NRG3: variants seen among roughly 807,000 people sequenced by gnomAD.
NRG3 encodes neuregulin 3.
In NRG3, 31 loss-of-function variants were observed where a neutral mutation model predicts 66.9. The ratio of observed to expected loss-of-function variants is 0.46; its 90% CI spans 0.35 to 0.63. NRG3 has a LOEUF of 0.63. NRG3 is among the 20% of genes least tolerant of loss of function. The probability of loss-of-function intolerance (pLI) is 0.00; values close to 1 mark genes in which losing one functional copy is unlikely to be tolerated. For synonymous variants in NRG3, 393 were observed against 359.4 expected (o/e 1.09, Z -1.06); for missense variants, 910 against 878.9 (o/e 1.04, Z -0.45).
At chr10:82,935,295 T>C (rs1005513315) in intron 4 of NRG3, among the ~76,000 whole-genome samples, 1 of 152,188 alleles carries the variant, frequency 6.6e-6, no homozygotes, top group Non-Finnish European at 1.5e-5. Context: ...TTTTATTTCA[T>C]TTCTTTCATA....
intron 1 of NRG3, among the ~76,000 whole-genome samples, chr10:82,084,617 G>C (rs765899051): frequency 6.6e-6 from 1 of 151,864 alleles, no homozygotes; most frequent in African/African-American, 2.4e-5. Flanking sequence ...TCAAGAAGTA[G>C]AAGCATGTAT....
chr10:82,654,664 ATAACTTTTT>A (rs1390649588), intron 2 of NRG3, among the ~76,000 whole-genome samples: 2 of 152,186 alleles, frequency 1.3e-5, no homozygotes, highest in Non-Finnish European at 2.9e-5. Context: ...CCTGTATTGT[ATAACTTTTT>A]TCTGTTGATA....
At chr10:82,625,826 A>G (rs1326333746) in intron 2 of NRG3, among the ~76,000 whole-genome samples, 2 of 152,226 alleles carry the variant, frequency 1.3e-5, no homozygotes, top group Non-Finnish European at 2.9e-5. Flanking sequence ...TGTCACCACT[A>G]GAGCAACAAC....
intron 2 of NRG3, among the ~76,000 whole-genome samples, chr10:82,698,644 G>A (rs1455137392): frequency 6.6e-6 from 1 of 152,056 alleles, no homozygotes; most frequent in Non-Finnish European, 1.5e-5. Context: ...CTGCACTCTT[G>A]TTCTATTTCC....
intron 2 of NRG3, among the ~76,000 whole-genome samples, chr10:82,388,395 TG>T (rs1379440661): frequency 6.6e-6 from 1 of 152,174 alleles, no homozygotes; most frequent in African/African-American, 2.4e-5. Flanking sequence ...AAATTACATC[TG>T]AGAAACTAGA....
intron 1 of NRG3, among the ~76,000 whole-genome samples, chr10:82,022,248 C>G (rs906344062): frequency 1.3e-5 from 2 of 152,032 alleles, no homozygotes; most frequent in African/African-American, 4.8e-5. Flanking sequence ...GAAACTATCA[C>G]TAAATTGAGT....
chr10:82,858,757 G>A (rs2063946731), intron 3 of NRG3, among the ~76,000 whole-genome samples: 1 of 152,158 alleles, frequency 6.6e-6, no homozygotes, highest in African/African-American at 2.4e-5. Context: ...CCTATGGCAA[G>A]TATTTCCCAG....
At chr10:82,418,907 A>C (rs1456237862) in intron 2 of NRG3, among the ~76,000 whole-genome samples, 1 of 152,158 alleles carries the variant, frequency 6.6e-6, no homozygotes. Flanking sequence ...AATCAGTCAG[A>C]TATTTAAGCC....
chr10:82,176,532 C>T (rs959042703), intron 1 of NRG3, among the ~76,000 whole-genome samples: 1 of 152,250 alleles, frequency 6.6e-6, no homozygotes, highest in Non-Finnish European at 1.5e-5. Flanking sequence ...TACCCTCTGT[C>T]ACAGAGCACA....
chr10:82,834,532 G>A (rs770877075), intron 3 of NRG3, among the ~76,000 whole-genome samples: 5 of 152,128 alleles, frequency 3.3e-5, no homozygotes, highest in Non-Finnish European at 7.4e-5. Context: ...GAAAGCCATA[G>A]CATAAAACAG....
chr10:82,296,863 A>G (rs2080093138), intron 1 of NRG3, among the ~76,000 whole-genome samples: 1 of 151,860 alleles, frequency 6.6e-6, no homozygotes. Flanking sequence ...TTGGACTTCT[A>G]GTGAACCCAT....
chr10:82,146,867 T>A (rs892244418), intron 1 of NRG3, among the ~76,000 whole-genome samples: 8 of 152,128 alleles, frequency 5.3e-5, no homozygotes, highest in African/African-American at 1.9e-4. Flanking sequence ...GAGGGGAGGC[T>A]TCCCTGATGG....
chr10:82,932,012 C>A (rs925330214), intron 4 of NRG3, among the ~76,000 whole-genome samples: 3 of 152,110 alleles, frequency 2.0e-5, no homozygotes, highest in Admixed American at 2.0e-4. Flanking sequence ...GGATATTTGC[C>A]TTGAACAGTT....
chr10:82,190,354 A>G (rs1181185360), intron 1 of NRG3, among the ~76,000 whole-genome samples: 2 of 152,204 alleles, frequency 1.3e-5, no homozygotes, highest in African/African-American at 4.8e-5. Context: ...ATTTTAACAA[A>G]TAAAGTTATG....
At chr10:81,899,892 A>G (rs1269183559) in intron 1 of NRG3, among the ~76,000 whole-genome samples, 1 of 152,198 alleles carries the variant, frequency 6.6e-6, no homozygotes, top group Non-Finnish European at 1.5e-5. Flanking sequence ...TCCCAAAAAC[A>G]AATAGAAAGG....
chr10:82,864,398 G>A (rs500431), intron 3 of NRG3, among the ~76,000 whole-genome samples: 96,598 of 151,976 alleles, frequency 0.64, 31,697 homozygotes, highest in African/African-American at 0.8. Flanking sequence ...CTAGATGCAT[G>A]TTTTCTAAAA....
At chr10:82,410,053 C>T (rs1178342232) in intron 2 of NRG3, among the ~76,000 whole-genome samples, 1 of 152,074 alleles carries the variant, frequency 6.6e-6, no homozygotes. Flanking sequence ...GGGTCAATTC[C>T]TTCATACCGT....
intron 1 of NRG3, among the ~76,000 whole-genome samples, chr10:82,184,266 CAGCTGCTT>C: frequency 6.6e-6 from 1 of 152,232 alleles, no homozygotes. Flanking sequence ...TAGTACAAAT[CAGCTGCTT>C]AGTTGAGAAC....
At chr10:82,781,820 T>G (rs1005466345) in intron 3 of NRG3, among the ~76,000 whole-genome samples, 1 of 151,906 alleles carries the variant, frequency 6.6e-6, no homozygotes, top group African/African-American at 2.4e-5. Context: ...CTGAAGCACA[T>G]GGGCCGTAAG....
Sources: allele counts gnomAD v4.1 joint callset (sites outside exome capture counted in the v4.1 genomes callset), GRCh38; gene constraint gnomAD v4.1.1; transcripts MANE v1.5; gene names NCBI Gene and HGNC (gene_info 2026-07-23, HGNC 2026-07-21).